CDH18: variants seen among roughly 807,000 people sequenced by gnomAD.
CDH18 encodes the protein cadherin-18.
CDH18 carries 31 observed loss-of-function variants against 67.9 expected under a neutral mutation model. The ratio of observed to expected loss-of-function variants is 0.46; its 90% CI spans 0.34 to 0.62. CDH18 has a LOEUF of 0.62. Ranked by LOEUF, CDH18 falls within the 20% of genes least tolerant of loss-of-function variation. The pLI, the probability that CDH18 is intolerant of heterozygous loss-of-function variation, is 0.01. For missense variants in CDH18, 890 were observed against 975.5 expected, an observed-to-expected ratio of 0.91 and a Z score of 1.17; for synonymous variants, 362 against 347.2, an observed-to-expected ratio of 1.04 and a Z score of -0.48.
chr5:20,332,584 A>G (rs1739282128), intron 1 of CDH18, among the ~76,000 whole-genome samples: 1 of 152,236 alleles, frequency 6.6e-6, no homozygotes, highest in East Asian at 1.9e-4. Flanking sequence ...GAAACAATGT[A>G]TAATGAAACT....
At chr5:20,430,062 C>T (rs1426283676) in intron 1 of CDH18, among the ~76,000 whole-genome samples, 3 of 151,998 alleles carry the variant, frequency 2.0e-5, no homozygotes, top group African/African-American at 4.8e-5. Flanking sequence ...AAGTGAGAGG[C>T]GCAAAGAACT....
At chr5:19,570,829 T>C (rs1741261138) in intron 8 of CDH18, among the ~76,000 whole-genome samples, 1 of 152,182 alleles carries the variant, frequency 6.6e-6, no homozygotes, top group Admixed American at 6.6e-5. Context: ...GGGCAATGTG[T>C]TAAGTCCTTT....
intron 4 of CDH18, 97 bp downstream of exon 4, chr5:19,746,845 C>G: frequency 1.1e-6 from 1 of 933,104 alleles, no homozygotes; most frequent in South Asian, 1.7e-5. Context: ...ATATCCCCTC[C>G]AGATATATAT....
chr5:19,751,035 C>A (rs551395066), intron 3 of CDH18, among the ~76,000 whole-genome samples: 1 of 152,142 alleles, frequency 6.6e-6, no homozygotes, highest in East Asian at 1.9e-4. Context: ...TGCAGTCACC[C>A]TAGTGAAGCA....
chr5:19,524,895 G>T (rs907943496), intron 9 of CDH18, among the ~76,000 whole-genome samples: 2 of 152,024 alleles, frequency 1.3e-5, no homozygotes, highest in East Asian at 1.9e-4. Context: ...ACAGGCGCCC[G>T]CCACCACGCC....
intron 1 of CDH18, among the ~76,000 whole-genome samples, chr5:20,287,221 C>T (rs1039204529): frequency 1.3e-5 from 2 of 151,598 alleles, no homozygotes; most frequent in African/African-American, 4.8e-5. Flanking sequence ...TGAAATAATA[C>T]TTAAAGAAAG....
At chr5:19,493,238 TC>T (rs1456137938) in intron 11 of CDH18, among the ~76,000 whole-genome samples, 18 of 152,172 alleles carry the variant, frequency 1.2e-4, no homozygotes, top group African/African-American at 4.1e-4. Context: ...ACATTTCATA[TC>T]ATCCTCATTT....
intron 8 of CDH18, among the ~76,000 whole-genome samples, chr5:19,563,610 C>T (rs766514151): frequency 3.3e-5 from 5 of 152,162 alleles, no homozygotes; most frequent in Non-Finnish European, 5.9e-5. Flanking sequence ...TGCTGGTAAA[C>T]AGCCAGGCTC....
chr5:19,740,294 A>G (rs1388561974), intron 4 of CDH18, among the ~76,000 whole-genome samples: 2 of 152,132 alleles, frequency 1.3e-5, no homozygotes, highest in Non-Finnish European at 2.9e-5. Context: ...ATTTATTTGA[A>G]AAAGAAAATA....
chr5:20,039,983 A>G (rs898839650), intron 2 of CDH18, among the ~76,000 whole-genome samples: 1 of 152,164 alleles, frequency 6.6e-6, no homozygotes, highest in African/African-American at 2.4e-5. Context: ...TTTACAAGGA[A>G]CTTCAACAAA....
chr5:19,751,955 T>C (rs1269080567), intron 3 of CDH18, among the ~76,000 whole-genome samples: 2 of 152,088 alleles, frequency 1.3e-5, no homozygotes, highest in Non-Finnish European at 2.9e-5. Context: ...GCAGACCCTC[T>C]GAAGGAAGCA....
At chr5:20,064,025 T>C (rs1742749341) in intron 2 of CDH18, among the ~76,000 whole-genome samples, 3 of 152,224 alleles carry the variant, frequency 2.0e-5, no homozygotes. Flanking sequence ...ATTTGTGTTG[T>C]TCCTTATGTT....
intron 1 of CDH18, among the ~76,000 whole-genome samples, chr5:20,348,735 A>T (rs948060709): frequency 5.9e-5 from 9 of 152,298 alleles, no homozygotes; most frequent in Non-Finnish European, 1.0e-4. Flanking sequence ...GGGATGAGGC[A>T]TTTCCAGCTT....
chr5:20,030,134 A>C (rs906820648), intron 2 of CDH18, among the ~76,000 whole-genome samples: 10 of 152,260 alleles, frequency 6.6e-5, no homozygotes, highest in East Asian at 1.9e-4. Context: ...CTTGTAATAC[A>C]ACTTTACTCT....
chr5:20,559,812 C>T (rs1378595127), intron 1 of CDH18, among the ~76,000 whole-genome samples: 5 of 151,986 alleles, frequency 3.3e-5, no homozygotes, highest in Admixed American at 1.3e-4. Flanking sequence ...CACTAACATC[C>T]CTATTAAACA....
At chr5:20,085,151 G>T (rs1744833547) in intron 2 of CDH18, among the ~76,000 whole-genome samples, 1 of 152,054 alleles carries the variant, frequency 6.6e-6, no homozygotes. Context: ...AAACTTTTGG[G>T]TTACTTGCTT....
At chr5:20,425,463 CA>C (rs1247299575) in intron 1 of CDH18, among the ~76,000 whole-genome samples, 2 of 150,542 alleles carry the variant, frequency 1.3e-5, no homozygotes, top group African/African-American at 5.0e-5. Flanking sequence ...CAGGTGTTAA[CA>C]ATAGAAAATA....
chr5:20,124,574 A>G (rs1748662354), intron 2 of CDH18, among the ~76,000 whole-genome samples: 1 of 152,192 alleles, frequency 6.6e-6, no homozygotes, highest in Non-Finnish European at 1.5e-5. Flanking sequence ...ACTCTTTGTT[A>G]AGCTATGTTT....
chr5:19,746,447 C>T (rs905776531), intron 4 of CDH18, among the ~76,000 whole-genome samples: 1 of 152,124 alleles, frequency 6.6e-6, no homozygotes, highest in Admixed American at 6.5e-5. Context: ...TATATAAATG[C>T]TTAGGAATAT....
Sources: gnomAD v4.1 joint callset for allele counts (sites outside exome capture counted in the v4.1 genomes callset) on GRCh38, gnomAD v4.1.1 for gene constraint, MANE v1.5 for transcripts, NCBI Gene and HGNC (gene_info 2026-07-23, HGNC 2026-07-21) for gene names.